The following VPS54 variants were observed in gnomAD, a reference collection of about 807,000 sequenced individuals.
VPS54 encodes the protein VPS54 subunit of GARP complex.
In VPS54, 45 loss-of-function variants were observed where a neutral mutation model predicts 121.5. That is an observed-to-expected ratio of 0.37 (90% CI 0.29 to 0.47). VPS54 has a LOEUF of 0.47. Ranked by LOEUF, VPS54 falls within the 20% of genes least tolerant of loss-of-function variation. The pLI, the probability that VPS54 is intolerant of heterozygous loss-of-function variation, is 0.99. For missense variants in VPS54, 1,090 were observed against 1,131.4 expected, an observed-to-expected ratio of 0.96 and a Z score of 0.52; for synonymous variants, 371 against 385.8, an observed-to-expected ratio of 0.96 and a Z score of 0.45.
At chr2:63,894,442 C>T (rs927699321) in intron 22 of VPS54, among the ~76,000 whole-genome samples, 24 of 152,170 alleles carry the variant, frequency 1.6e-4, no homozygotes, top group Non-Finnish European at 2.9e-5. Context: ...TGGCTCACAC[C>T]TGTAATCCCA....
chr2:64,017,577 G>GT (rs1334856816), intron 1 of VPS54, among the ~76,000 whole-genome samples: 6 of 152,116 alleles, frequency 3.9e-5, no homozygotes, highest in Admixed American at 3.9e-4. Context: ...AAATGCTGTA[G>GT]TAACAATACT....
chr2:63,970,950 A>C (rs1353370503), intron 4 of VPS54, among the ~76,000 whole-genome samples: 2 of 152,022 alleles, frequency 1.3e-5, no homozygotes, highest in African/African-American at 2.4e-5. Flanking sequence ...CTAAATCTTC[A>C]ACCTGAGCTC....
intron 20 of VPS54, among the ~76,000 whole-genome samples, chr2:63,900,110 C>T (rs1672612527): frequency 2.0e-5 from 3 of 151,334 alleles, no homozygotes; most frequent in African/African-American, 7.3e-5. Context: ...ATCCCAGCTA[C>T]TCAGGAGGCT....
intron 1 of VPS54, among the ~76,000 whole-genome samples, chr2:63,990,466 T>G (rs1209190936): frequency 2.0e-5 from 3 of 152,054 alleles, no homozygotes; most frequent in African/African-American, 7.2e-5. Flanking sequence ...CCCCTCACTC[T>G]CCTGTCATTT....
intron 4 of VPS54, 51 bp from the exon 5 acceptor site, chr2:63,969,042 A>T: frequency 2.1e-6 from 3 of 1,435,296 alleles, no homozygotes; most frequent in Non-Finnish European, 2.9e-6. Flanking sequence ...TTTCATTTTA[A>T]CTCCGTAAAA....
chr2:63,983,639 T>A (rs1021902798), intron 2 of VPS54, among the ~76,000 whole-genome samples: 1 of 151,440 alleles, frequency 6.6e-6, no homozygotes, highest in Non-Finnish European at 1.5e-5. Flanking sequence ...AGACAGGGTT[T>A]CACCATGTTA....
At chr2:63,894,644 A>T (rs1441536003) in intron 22 of VPS54, among the ~76,000 whole-genome samples, 1 of 151,842 alleles carries the variant, frequency 6.6e-6, no homozygotes, top group African/African-American at 2.4e-5. Context: ...TTGAGGCTGC[A>T]GTGAGCCATG....
chr2:63,943,969 C>T (rs180863223), intron 10 of VPS54, among the ~76,000 whole-genome samples: 104 of 151,556 alleles, frequency 6.9e-4, no homozygotes, highest in Middle Eastern at 6.8e-3. Context: ...TGGGCTCAAG[C>T]GATTCTCCCA....
intron 8 of VPS54, among the ~76,000 whole-genome samples, chr2:63,947,826 G>T (rs1043550062): frequency 4.0e-5 from 6 of 151,576 alleles, no homozygotes; most frequent in Non-Finnish European, 8.8e-5. Context: ...GGCCCTGTGG[G>T]TTTTTTTTGG....
intron 4 of VPS54, among the ~76,000 whole-genome samples, chr2:63,969,457 C>T (rs1413442675): frequency 6.6e-6 from 1 of 152,094 alleles, no homozygotes; most frequent in Non-Finnish European, 1.5e-5. Context: ...AGCACAAACC[C>T]TAATGTGAAC....
chr2:63,968,696 G>C (rs1224220915), intron 5 of VPS54, among the ~76,000 whole-genome samples: 2 of 152,010 alleles, frequency 1.3e-5, no homozygotes, highest in African/African-American at 4.8e-5. Flanking sequence ...TCCAGCCTGC[G>C]AGACGGGGCA....
chr2:63,908,430 A>G (rs996396169), intron 20 of VPS54, among the ~76,000 whole-genome samples: 1 of 152,136 alleles, frequency 6.6e-6, no homozygotes, highest in Non-Finnish European at 1.5e-5. Flanking sequence ...ACTGACTACA[A>G]AAGTGCCCAA....
At chr2:63,998,781 A>AT (rs1045550396) in intron 1 of VPS54, among the ~76,000 whole-genome samples, 2 of 152,080 alleles carry the variant, frequency 1.3e-5, no homozygotes, top group African/African-American at 4.8e-5. Context: ...TATAGTTATA[A>AT]TTTTTTATTG....
At chr2:63,998,854 A>G (rs1357476520) in intron 1 of VPS54, among the ~76,000 whole-genome samples, 1 of 152,052 alleles carries the variant, frequency 6.6e-6, no homozygotes, top group Non-Finnish European at 1.5e-5. Flanking sequence ...ATAATATTCT[A>G]TGATTTTCTG....
chr2:63,997,887 T>C (rs1233426303), intron 1 of VPS54, among the ~76,000 whole-genome samples: 1 of 152,082 alleles, frequency 6.6e-6, no homozygotes, highest in African/African-American at 2.4e-5. Flanking sequence ...GATTTTGGTA[T>C]GTCATGTTTC....
intron 7 of VPS54, among the ~76,000 whole-genome samples, chr2:63,960,315 A>C (rs531079552): frequency 3.3e-5 from 5 of 152,356 alleles, no homozygotes; most frequent in African/African-American, 1.2e-4. Flanking sequence ...TACAAACAAA[A>C]AAAGTAAGGT....
chr2:63,916,980 A>G lies in VPS54; in HGVS notation c.2165-17T>C. 6.2e-7 allele frequency: 1 copy of G among 1,613,164 alleles called. No individual in the cohort carries two copies. ...CTTCTGTGGCTACAGAGTTAAGCAA[A>G]TAAACGAGAGACAAGAGTACCAGAC... On this transcript the variant is annotated splice_polypyrimidine_tract_variant and intron_variant, in intron 15 of 22. Coordinates refer to ENST00000272322, the MANE Select transcript of VPS54 (RefSeq NM_016516.3).
At chr2:63,942,971 T>TG (rs1234609553) in intron 10 of VPS54, among the ~76,000 whole-genome samples, 1 of 152,200 alleles carries the variant, frequency 6.6e-6, no homozygotes, top group Non-Finnish European at 1.5e-5. Context: ...CACAACACAA[T>TG]GCCTTGGTTT....
At chr2:63,922,304 G>T (rs533580717) in intron 12 of VPS54, among the ~76,000 whole-genome samples, 1 of 152,130 alleles carries the variant, frequency 6.6e-6, no homozygotes, top group African/African-American at 2.4e-5. Flanking sequence ...GCCAAGTGAA[G>T]TACCTTAACC....
Sources: gnomAD v4.1 joint callset for allele counts (sites outside exome capture counted in the v4.1 genomes callset) on GRCh38, gnomAD v4.1.1 for gene constraint, MANE v1.5 for transcripts, NCBI Gene and HGNC (gene_info 2026-07-23, HGNC 2026-07-21) for gene names.